The following ABCG5 variants were observed in gnomAD, a reference collection of about 807,000 sequenced individuals.
ABCG5 encodes ATP-binding cassette sub-family G member 5.
ABCG5 carries 64 observed loss-of-function variants against 64.5 expected under a neutral mutation model. The observed-to-expected ratio is 0.99, with a 90% CI of 0.81 to 1.22. The LOEUF (loss-of-function observed/expected upper bound fraction) is 1.22, where lower values mean the gene tolerates loss of function less well. Among genes scored for constraint, ABCG5 ranks in the 50% most tolerant of loss-of-function variants. The pLI, the probability that ABCG5 is intolerant of heterozygous loss-of-function variation, is 0.00. For synonymous variants in ABCG5, 385 were observed against 326.3 expected (o/e 1.18, Z -1.94); for missense variants, 908 against 829.5 (o/e 1.09, Z -1.16).
At chr2:43,813,336 A>T in intron 12 of ABCG5, 27 bp from the exon 13 acceptor site, 1 of 1,531,344 alleles carries the variant, frequency 6.5e-7, no homozygotes, top group Non-Finnish European at 9.0e-7. Context: ...TGACAGTGTC[A>T]GGTGTGGTTT....
rs1258306892 is a variant in ABCG5, at chr2:43,823,400, T to C, written c.1325-465A>G. 3.3e-5 allele frequency among the ~76,000 whole-genome samples: 5 copies of C among 151,090 alleles called. 1 individual carries two copies. The highest frequency in any genetic ancestry group is 3.9e-4 in the East Asian group (2 of 5,094). ...GTCAAGCTCTAGAGCAACTTCACAA[T>C]AGCGAAGTCCTTCCCTCTTATTCCC... On this transcript the variant is annotated intron_variant, in intron 9 of 12. Coordinates refer to ENST00000405322, the MANE Select transcript of ABCG5 (RefSeq NM_022436.3).
At chr2:43,809,783 T>C (rs10186552), downstream of ABCG5, 327,172 of 1,595,784 alleles carry the variant, frequency 0.21, 35,924 homozygotes, top group African/African-American at 0.35. Flanking sequence ...TTTCAATTAT[T>C]GTATATTTAT....
intron 11 of ABCG5, among the ~76,000 whole-genome samples, chr2:43,817,231 T>A (rs1666892176): frequency 6.6e-6 from 1 of 152,228 alleles, no homozygotes; most frequent in Non-Finnish European, 1.5e-5. Context: ...ACGCCTGTAA[T>A]CCCAGCACCT....
chr2:43,809,914 T>A, downstream of ABCG5: 1 of 1,390,716 alleles, frequency 7.2e-7, no homozygotes, highest in Non-Finnish European at 9.3e-7. Context: ...CTAGTGCATC[T>A]CCCTGTATAT....
rs1667389939 is a variant in ABCG5, at chr2:43,823,583, C to T, written c.1324+330G>A. 2.0e-5 allele frequency among the ~76,000 whole-genome samples: 3 copies of T among 152,100 alleles called. No individual in the cohort carries two copies. The South Asian group carries it at 6.2e-4, about 32-fold the overall frequency. On this transcript the variant is annotated intron_variant, in intron 9 of 12. Coordinates refer to ENST00000405322, the MANE Select transcript of ABCG5 (RefSeq NM_022436.3). ...GCTAACGGTACAAAGTTGGCCTGGTCGCTGAGCACCCCATGGGCTGTGCAT... is the reference window on the plus strand; with the variant it reads ...GCTAACGGTACAAAGTTGGCCTGGTTGCTGAGCACCCCATGGGCTGTGCAT...
intron 11 of ABCG5, among the ~76,000 whole-genome samples, chr2:43,819,621 T>G (rs1331048690): frequency 6.6e-6 from 1 of 152,186 alleles, no homozygotes; most frequent in Non-Finnish European, 1.5e-5. Flanking sequence ...TGTGAGTTTT[T>G]CCTGGAACAT....
intron 10 of ABCG5, 67 bp from the exon 11 acceptor site, chr2:43,820,167 C>A: frequency 1.3e-6 from 2 of 1,530,324 alleles, no homozygotes; most frequent in Non-Finnish European, 1.8e-6. Context: ...ACTGCACTTG[C>A]CTCTGTGAAT....
chr2:43,820,316 C>T (rs1286957341), intron 10 of ABCG5, among the ~76,000 whole-genome samples: 1 of 152,180 alleles, frequency 6.6e-6, no homozygotes, highest in Non-Finnish European at 1.5e-5. Context: ...CATTGGGAGC[C>T]ACCTTTTCCC....
downstream of ABCG5, chr2:43,809,763 C>G (rs200850212): frequency 1.2e-6 from 2 of 1,611,026 alleles, no homozygotes; most frequent in East Asian, 2.2e-5. Context: ...GAGCTTGATT[C>G]TTGAACCTAT....
Position 43,828,121 on chromosome 2 carries a change from G to T in ABCG5, c.502-6C>A. 6.2e-7 allele frequency: 1 copy of T among 1,613,938 alleles called. No individual in the cohort carries two copies. Among genetic ancestry groups the T allele is most frequent in the Non-Finnish European group, 8.5e-7 (1 of 1,180,022 alleles). The stretch of plus-strand genomic sequence containing the variant: ...TCTGCCATGACGGCCTCCACCTGCA[G>T]GAGACACAAATTACAGGAAGGCTGG... On this transcript the variant is annotated splice_polypyrimidine_tract_variant and splice_region_variant and intron_variant, in intron 4 of 12. Transcript: ENST00000405322.
At chr2:43,832,160 C>T (rs1667991134) in intron 2 of ABCG5, 77 bp from the exon 3 acceptor site, 6 of 1,543,302 alleles carry the variant, frequency 3.9e-6, no homozygotes, top group East Asian at 2.4e-5. Flanking sequence ...ACCCTCTGTG[C>T]AGGCATGACC....
chr2:43,836,509 G>A (rs1299156487), intron 2 of ABCG5, among the ~76,000 whole-genome samples: 1 of 152,214 alleles, frequency 6.6e-6, no homozygotes, highest in African/African-American at 2.4e-5. Context: ...AATGTAGATG[G>A]TAATCCAGTG....
rs779906369 is a variant in ABCG5, at chr2:43,828,135, C to T, written c.502-20G>A. ...CTCCACCTGCAGGAGACACAAATTACAGGAAGGCTGGGAGTCTCTGTGGCT... is the reference window on the plus strand; with the variant it reads ...CTCCACCTGCAGGAGACACAAATTATAGGAAGGCTGGGAGTCTCTGTGGCT... On this transcript the variant is annotated intron_variant, in intron 4 of 12. Transcript: ENST00000405322. 1.9e-6 allele frequency: 3 copies of T among 1,613,786 alleles called. No individual in the cohort carries two copies. The Admixed American group carries it at 5.0e-5, about 27-fold the overall frequency.
chr2:43,831,889 G>C, intron 3 of ABCG5, 22 bp from the exon 4 acceptor site: 1 of 1,548,452 alleles, frequency 6.5e-7, no homozygotes, highest in Non-Finnish European at 8.7e-7. Flanking sequence ...TCGGGCGTCA[G>C]TGTAGCCTAA....
chr2:43,813,709 GTTTTTTTT>G (rs1214033245), intron 12 of ABCG5, among the ~76,000 whole-genome samples: 20 of 34,068 alleles, frequency 5.9e-4, no homozygotes, highest in South Asian at 2.6e-3. Context: ...TTTTTTTTTC[GTTTTTTTT>G]TTTTTTTTTT....
At chr2:43,827,446 C>G (rs1046873959) in intron 5 of ABCG5, among the ~76,000 whole-genome samples, 3 of 152,108 alleles carry the variant, frequency 2.0e-5, no homozygotes, top group African/African-American at 7.2e-5. Context: ...AGAAAGGATC[C>G]AGATGCAGTT....
Position 43,813,366 on chromosome 2 carries a change from A to G in ABCG5, c.1763-57T>C. The G allele has an allele frequency of 3.2e-6, 4 of 1,259,676 alleles. 1 individual carries two copies. The South Asian group carries it at 3.7e-5, about 12-fold the overall frequency. The allele number at this position is 1,259,676 out of a possible 1,614,324, so 78.0% of individuals were successfully genotyped here. On this transcript the variant is annotated intron_variant, in intron 12 of 12. Coordinates refer to ENST00000405322, the MANE Select transcript of ABCG5 (RefSeq NM_022436.3). ...TGGTTTATCTCAGGTAATTTAATCA[A>G]CAAGTATTTACCAAGCGCTTGCTAA...
Position 43,838,462 on chromosome 2 carries a change from A to G in ABCG5, c.143+75T>C. 1 of 1,440,738 alleles carries G rather than the reference A, an allele frequency of 6.9e-7. No individual in the cohort carries two copies. Among genetic ancestry groups the G allele is most frequent in the Non-Finnish European group, 9.5e-7 (1 of 1,050,966 alleles). The allele number at this position is 1,440,738 out of a possible 1,614,324, so 89.2% of individuals were successfully genotyped here. ...TGCCCAGACTGGCACTTAAAGAGTGAAGAAAGGCAGCAGAGGGGTGAGCGC... is the reference window on the plus strand; with the variant it reads ...TGCCCAGACTGGCACTTAAAGAGTGGAGAAAGGCAGCAGAGGGGTGAGCGC... On this transcript the variant is annotated intron_variant, in intron 1 of 12. Coordinates refer to ENST00000405322, the MANE Select transcript of ABCG5 (RefSeq NM_022436.3). This position sits in a 1 kb window ranked among gnomAD's most constrained non-coding sequence, Gnocchi z 4.2.
Position 43,819,921 on chromosome 2 carries a change from A to C in ABCG5, c.1643T>G (p.Phe548Cys). 1.2e-6 allele frequency: 2 copies of C among 1,614,172 alleles called. No individual in the cohort carries two copies. Among genetic ancestry groups the C allele is most frequent in the Non-Finnish European group, 1.7e-6 (2 of 1,180,032 alleles). The change falls in exon 11 of 13, where the codon TTC becomes TGC. Residue 548 changes from phenylalanine (F) to cysteine (C), a missense_variant. Phe to Cys is a radical substitution (Grantham distance 205). Transcript: ENST00000405322. ...TTGAATTATGATATCTTACCTGAGGAATCCAGATCCAACAAGCACCCCCGC... is the reference window on the plus strand; with the variant it reads ...TTGAATTATGATATCTTACCTGAGGCATCCAGATCCAACAAGCACCCCCGC... ...SIAGVLVGSG[F>C]LRNIQEMPIP...
Sources: allele counts gnomAD v4.1 joint callset (sites outside exome capture counted in the v4.1 genomes callset), GRCh38; gene constraint gnomAD v4.1.1; non-coding constraint Gnocchi (gnomAD v3.1); transcripts MANE v1.5; gene names NCBI Gene and HGNC (gene_info 2026-07-23, HGNC 2026-07-21).